Variants in NRG1 observed in about 807,000 individuals in gnomAD.
The protein encoded by NRG1 is pro-neuregulin-1, membrane-bound isoform.
In NRG1, 18 loss-of-function variants were observed where a neutral mutation model predicts 63.8. The observed-to-expected ratio is 0.28, with a 90% CI of 0.19 to 0.42. NRG1 has a LOEUF of 0.42. Ranked by LOEUF, NRG1 falls within the 10% of genes least tolerant of loss-of-function variation. The pLI is 1.00. For missense variants in NRG1, 762 were observed against 814.7 expected (o/e 0.94, Z 0.79); for synonymous variants, 302 against 301.3 (o/e 1.00, Z -0.02).
At chr8:31,652,663 A>G (rs1455684702) in intron 1 of NRG1, among the ~76,000 whole-genome samples, 2 of 152,138 alleles carry the variant, frequency 1.3e-5, no homozygotes, top group Non-Finnish European at 2.9e-5. Context: ...ACTACCTGTC[A>G]TTTCAGATTG....
intron 1 of NRG1, among the ~76,000 whole-genome samples, chr8:31,685,473 T>C (rs1346874320): frequency 6.6e-6 from 1 of 152,216 alleles, no homozygotes; most frequent in African/African-American, 2.4e-5. Flanking sequence ...ATAGCTGGCC[T>C]TTTTAAGTGG....
At chr8:32,350,776 A>T (rs1805499407) in intron 1 of NRG1, among the ~76,000 whole-genome samples, 1 of 152,110 alleles carries the variant, frequency 6.6e-6, no homozygotes, top group East Asian at 1.9e-4. Flanking sequence ...ATTATAAATA[A>T]TATAAGATTG....
chr8:32,647,195 C>A (rs1490334141), intron 5 of NRG1: 7 of 985,290 alleles, frequency 7.1e-6, no homozygotes, highest in Non-Finnish European at 8.4e-6. Flanking sequence ...CGCGTTAACA[C>A]AACAGGATGC....
chr8:31,684,677 CT>C (rs1350272979), intron 1 of NRG1, among the ~76,000 whole-genome samples: 5 of 151,972 alleles, frequency 3.3e-5, no homozygotes, highest in Admixed American at 6.6e-5. Flanking sequence ...CACTAGATCA[CT>C]TTTTTTCAAC....
chr8:32,073,663 A>G (rs1315604278), intron 1 of NRG1, among the ~76,000 whole-genome samples: 1 of 152,208 alleles, frequency 6.6e-6, no homozygotes, highest in Non-Finnish European at 1.5e-5. Context: ...GGCATTTGCT[A>G]ACAGTCATTT....
intron 1 of NRG1, among the ~76,000 whole-genome samples, chr8:31,962,528 T>A (rs1805624269): frequency 6.6e-6 from 1 of 152,146 alleles, no homozygotes; most frequent in Admixed American, 6.5e-5. Flanking sequence ...CTAAAGGAGA[T>A]AGGGAGAGAA....
chr8:32,728,180 A>G (rs1342426541), intron 6 of NRG1, 102 bp downstream of exon 6: 15 of 1,552,478 alleles, frequency 9.7e-6, no homozygotes, highest in African/African-American at 1.4e-5. Context: ...ATTTTGTTGC[A>G]TCATGTTGAA....
chr8:32,558,947 G>A (rs542518667), intron 1 of NRG1, among the ~76,000 whole-genome samples: 1 of 151,962 alleles, frequency 6.6e-6, no homozygotes, highest in Admixed American at 6.5e-5. Context: ...GGGCAAGGTG[G>A]CATGTGCCTG....
intron 1 of NRG1, among the ~76,000 whole-genome samples, chr8:31,945,113 C>G (rs1489252353): frequency 4.6e-5 from 7 of 152,118 alleles, no homozygotes; most frequent in Admixed American, 3.9e-4. Flanking sequence ...AGTAAATGCT[C>G]TTTATCATTC....
intron 1 of NRG1, among the ~76,000 whole-genome samples, chr8:31,651,783 C>G (rs577817776): frequency 3.3e-5 from 5 of 152,114 alleles, no homozygotes; most frequent in Admixed American, 1.3e-4. Context: ...GGGCTAGGTC[C>G]ATTTTTTTTT....
At chr8:31,716,153 G>A (rs1002180264) in intron 1 of NRG1, among the ~76,000 whole-genome samples, 1 of 152,158 alleles carries the variant, frequency 6.6e-6, no homozygotes, top group African/African-American at 2.4e-5. Flanking sequence ...TATTAAGTGT[G>A]TATTTCAGGA....
At chr8:32,459,141 C>T (rs907187110) in intron 1 of NRG1, among the ~76,000 whole-genome samples, 2 of 152,164 alleles carry the variant, frequency 1.3e-5, no homozygotes, top group African/African-American at 2.4e-5. Flanking sequence ...AATTGAACAT[C>T]GTCAGAACAA....
At chr8:32,148,325 A>G (rs57275909) in intron 1 of NRG1, among the ~76,000 whole-genome samples, 8,955 of 152,270 alleles carry the variant, frequency 0.059, 531 homozygotes, top group East Asian at 0.34. Flanking sequence ...CAAAATCATA[A>G]TACCTGCAGG....
At chr8:31,890,991 C>A (rs1478800438) in intron 1 of NRG1, among the ~76,000 whole-genome samples, 1 of 152,118 alleles carries the variant, frequency 6.6e-6, no homozygotes, top group Non-Finnish European at 1.5e-5. Context: ...ACACCTTACA[C>A]AAAAGTCAAC....
intron 1 of NRG1, among the ~76,000 whole-genome samples, chr8:32,535,477 C>T (rs1391736748): frequency 1.3e-5 from 2 of 152,054 alleles, no homozygotes; most frequent in Non-Finnish European, 2.9e-5. Flanking sequence ...AAAGTCTCCC[C>T]ATGAGAAATA....
intron 1 of NRG1, among the ~76,000 whole-genome samples, chr8:31,749,587 A>T (rs1049064524): frequency 2.6e-5 from 4 of 151,738 alleles, no homozygotes; most frequent in Admixed American, 2.0e-4. Flanking sequence ...TTCTTAATTC[A>T]ATTTTTTCTT....
At chr8:32,648,732 A>G (rs1291022479) in intron 5 of NRG1, among the ~76,000 whole-genome samples, 1 of 152,190 alleles carries the variant, frequency 6.6e-6, no homozygotes, top group Non-Finnish European at 1.5e-5. Context: ...CTTATGTTTT[A>G]TAGAAATGTG....
At chr8:31,864,005 T>G (rs975481669) in intron 1 of NRG1, among the ~76,000 whole-genome samples, 4 of 152,222 alleles carry the variant, frequency 2.6e-5, no homozygotes, top group African/African-American at 9.6e-5. Context: ...GAATGTATTC[T>G]AAATATAATA....
Position 32,304,153 on chromosome 8 carries a change from C to T in NRG1, c.38-291675C>T, listed in dbSNP as rs1401280281. 9.2e-5 allele frequency among the ~76,000 whole-genome samples: 14 copies of T among 152,216 alleles called. No homozygotes were observed. In the East Asian group the frequency reaches 2.7e-3, roughly 29 times the overall value. On this transcript the variant is annotated intron_variant, in intron 1 of 10. Coordinates refer to the NRG1 transcript ENST00000519301. ...TTCTTCTGAGTGTCTTAAAATAGTA[C>T]TGAAGTTTTCATGACAGTCTTTTCA...
Sources: allele counts gnomAD v4.1 joint callset (sites outside exome capture counted in the v4.1 genomes callset), GRCh38; gene constraint gnomAD v4.1.1; transcripts MANE v1.5; gene names NCBI Gene and HGNC (gene_info 2026-07-23, HGNC 2026-07-21).